ADAM19: variants seen among roughly 807,000 people sequenced by gnomAD.
ADAM19 encodes the protein ADAM metallopeptidase domain 19, also known as disintegrin and metalloproteinase domain-containing protein 19.
A neutral mutation model predicts 114.7 loss-of-function variants in ADAM19; 65 were observed. That is an observed-to-expected ratio of 0.57 (90% CI 0.46 to 0.70). The LOEUF is 0.70. Among genes scored for constraint, ADAM19 ranks in the 30% least tolerant of loss-of-function variants. ADAM19 has a pLI of 0.00. For synonymous variants in ADAM19, 466 were observed against 460.5 expected (o/e 1.01, Z -0.15); for missense variants, 1,063 against 1,204.7 (o/e 0.88, Z 1.74).
intron 3 of ADAM19, among the ~76,000 whole-genome samples, chr5:157,555,112 G>T (rs1282429909): frequency 6.6e-6 from 1 of 152,176 alleles, no homozygotes; most frequent in Non-Finnish European, 1.5e-5. Flanking sequence ...CTGGACTTGG[G>T]AGTCAAACAG....
Position 157,488,496 on chromosome 5 carries a change from G to A in ADAM19, c.2326-7C>T, listed in dbSNP as rs777241622. Reference sequence around the variant, plus strand: ...TTTCCGGAGTGTTGATCACCTGTACGCACAAGTCAAGGAACACCTGAGACA... The same window carrying A: ...TTTCCGGAGTGTTGATCACCTGTACACACAAGTCAAGGAACACCTGAGACA... On this transcript the variant is annotated splice_region_variant and splice_polypyrimidine_tract_variant and intron_variant, in intron 20 of 22. Transcript: ENST00000257527. The A allele has an allele frequency of 9.5e-6, 15 of 1,576,666 alleles. No homozygotes were observed. The highest frequency in any genetic ancestry group is 4.5e-5 in the East Asian group (2 of 44,444).
At chr5:157,492,340 C>T (rs1314878601) in intron 16 of ADAM19, among the ~76,000 whole-genome samples, 3 of 152,090 alleles carry the variant, frequency 2.0e-5, no homozygotes, top group East Asian at 1.9e-4. Context: ...CTTCAGGTTA[C>T]TATCAAAGTG....
At chr5:157,553,466 T>C (rs1057508192) in intron 3 of ADAM19, among the ~76,000 whole-genome samples, 1 of 152,256 alleles carries the variant, frequency 6.6e-6, no homozygotes, top group African/African-American at 2.4e-5. Context: ...AATATGCTCA[T>C]AATGTGAAAT....
At chr5:157,528,748 TA>T (rs1756543703) in intron 5 of ADAM19, among the ~76,000 whole-genome samples, 1 of 152,172 alleles carries the variant, frequency 6.6e-6, no homozygotes, top group South Asian at 2.1e-4. Flanking sequence ...TTCACCGACG[TA>T]AGAGGAGGAA....
Position 157,564,454 on chromosome 5 carries a change from C to A in ADAM19, c.181-11G>T. ...AGCTTTGAGTGGATGCTAAAAGCAACAACAAAACAATGTCAGTTCCTAAAA... is the reference window on the plus strand; with the variant it reads ...AGCTTTGAGTGGATGCTAAAAGCAAAAACAAAACAATGTCAGTTCCTAAAA... On this transcript the variant is annotated splice_polypyrimidine_tract_variant and intron_variant, in intron 2 of 22. Coordinates refer to ENST00000257527, the MANE Select transcript of ADAM19 (RefSeq NM_033274.5). 6.2e-7 allele frequency: 1 copy of A among 1,613,938 alleles called. No homozygotes were observed. Among genetic ancestry groups the A allele is most frequent in the Non-Finnish European group, 8.5e-7 (1 of 1,179,794 alleles).
chr5:157,479,207 T>G lies in ADAM19; in HGVS notation c.*1742A>C, dbSNP rs1028107542. 6 of 985,730 alleles carry G rather than the reference T, an allele frequency of 6.1e-6. No homozygotes were observed. The highest frequency in any genetic ancestry group is 7.2e-6 in the Non-Finnish European group (6 of 829,960). 61.1% of individuals were successfully genotyped at this position (985,730 alleles called of 1,614,324 possible). A position where few individuals can be genotyped will look rare whatever the true frequency, so the allele number is the denominator to read the frequency against. ...AGAGAAACTCATTTTCCTGAGATCT[T>G]TCTAAACCCAACCCAGGCTTTTCCC... On this transcript the variant is annotated 3_prime_UTR_variant, in exon 23 of 23. Transcript: ENST00000257527.
intron 5 of ADAM19, among the ~76,000 whole-genome samples, chr5:157,526,279 A>G (rs954618568): frequency 6.6e-6 from 1 of 152,134 alleles, no homozygotes; most frequent in African/African-American, 2.4e-5. Context: ...GGAGAATGGG[A>G]TTGGTTGGAA....
intron 1 of ADAM19, chr5:157,572,389 C>T: frequency 2.5e-6 from 1 of 403,740 alleles, no homozygotes; most frequent in East Asian, 7.3e-5. Flanking sequence ...ATGGTAATTT[C>T]CCGACACCTA....
Position 157,547,445 on chromosome 5 carries a change from A to C in ADAM19, c.252-9454T>G, listed in dbSNP as rs547203614. ...AATGAGTGGATTAATGCTGTTATAA[A>C]AGGGCTTGAGGCTGCAAGTTTGCTC... On this transcript the variant is annotated intron_variant, in intron 3 of 22. Transcript: ENST00000257527. Among the ~76,000 whole-genome samples the C allele has an allele frequency of 4.9e-4, 75 of 152,304 alleles. 1 individual carries two copies. The South Asian group carries it at 0.015, about 30-fold the overall frequency.
At chr5:157,562,846 G>A (rs1757546633) in intron 3 of ADAM19, among the ~76,000 whole-genome samples, 2 of 152,108 alleles carry the variant, frequency 1.3e-5, no homozygotes, top group South Asian at 4.2e-4. Context: ...TGAGTCCTGG[G>A]ACTCCTGCTT....
intron 2 of ADAM19, among the ~76,000 whole-genome samples, chr5:157,565,774 A>C (rs551980548): frequency 1.3e-5 from 2 of 151,674 alleles, no homozygotes; most frequent in African/African-American, 4.8e-5. Flanking sequence ...AAATGGAGGC[A>C]CAGGCAAAGG....
At chr5:157,503,375 G>C (rs949224519) in intron 11 of ADAM19, among the ~76,000 whole-genome samples, 1 of 152,012 alleles carries the variant, frequency 6.6e-6, no homozygotes, top group African/African-American at 2.4e-5. Flanking sequence ...GATAGCATTA[G>C]GAGATATACC....
At chr5:157,552,573 G>A (rs1757230078) in intron 3 of ADAM19, among the ~76,000 whole-genome samples, 1 of 151,592 alleles carries the variant, frequency 6.6e-6, no homozygotes, top group Non-Finnish European at 1.5e-5. Flanking sequence ...CAGCTACTCG[G>A]GAGGCTGAGA....
At chr5:157,564,981 T>G (rs1229924843) in intron 2 of ADAM19, among the ~76,000 whole-genome samples, 1 of 152,218 alleles carries the variant, frequency 6.6e-6, no homozygotes, top group Non-Finnish European at 1.5e-5. Flanking sequence ...TGTAAAATAC[T>G]AGGGGATCCT....
In ADAM19 at chr5:157,511,782, C is replaced by T. The variant is rs1168826329; in HGVS notation, c.738+1652G>A. Among the ~76,000 whole-genome samples the T allele has an allele frequency of 3.9e-5, 6 of 152,134 alleles. No homozygotes were observed. The East Asian group carries it at 7.7e-4, about 20-fold the overall frequency. On this transcript the variant is annotated intron_variant, in intron 8 of 22. Coordinates refer to ENST00000257527, the MANE Select transcript of ADAM19 (RefSeq NM_033274.5). Reference sequence around the variant, plus strand: ...GGTCAGCAAGCTCCAGAGAAGTGGGCGTGGCTTCCCTTACCCGCCAGGAGT... The same window carrying T: ...GGTCAGCAAGCTCCAGAGAAGTGGGTGTGGCTTCCCTTACCCGCCAGGAGT...
chr5:157,561,257 G>A lies in ADAM19; in HGVS notation c.251+3116C>T, dbSNP rs144554453. ...CAGTGTGTCTGCTGCCTGAGCTGAA[G>A]CTCACTTTGCTGTGTTCCCCCTCCT... On this transcript the variant is annotated intron_variant, in intron 3 of 22. Transcript: ENST00000257527. Among the ~76,000 whole-genome samples, 28 of 152,354 alleles carry A rather than the reference G, an allele frequency of 1.8e-4. No homozygotes were observed. In the East Asian group the frequency reaches 5.4e-3, roughly 29 times the overall value.
intron 5 of ADAM19, 90 bp downstream of exon 5, chr5:157,530,717 C>T (rs1355697513): frequency 4.3e-6 from 5 of 1,156,092 alleles, no homozygotes; most frequent in Non-Finnish European, 6.4e-6. Flanking sequence ...TGGACTCCTT[C>T]CCAAGGTCCT....
rs1561841082 is a variant in ADAM19, at chr5:157,488,357, CT to C, written c.2457del (p.Ser823LeufsTer3). The C allele has an allele frequency of 6.2e-7, 1 of 1,614,184 alleles. No individual in the cohort carries two copies. Among genetic ancestry groups the C allele is most frequent in the Non-Finnish European group, 8.5e-7 (1 of 1,180,030 alleles). The part of the protein sequence containing the change: ...AHLSRAARNS[P>X]GPGSQIERTE... The stretch of plus-strand genomic sequence containing the variant: ...GTCCTCTCTATTTGAGACCCGGGCC[CT>C]GGGGAGTTCCTAGCAGCCCTGCTCA... On this transcript the variant is annotated frameshift_variant, in exon 21 of 23. Transcript: ENST00000257527. LOFTEE classifies it high-confidence loss of function.
chr5:157,565,444 C>T (rs778321440), intron 2 of ADAM19, among the ~76,000 whole-genome samples: 5 of 152,170 alleles, frequency 3.3e-5, no homozygotes, highest in Non-Finnish European at 5.9e-5. Flanking sequence ...CTCGGCCGGG[C>T]ACAGTGGCTC....
Sources: allele counts gnomAD v4.1 joint callset (sites outside exome capture counted in the v4.1 genomes callset), GRCh38; gene constraint gnomAD v4.1.1; transcripts MANE v1.5; gene names NCBI Gene and HGNC (gene_info 2026-07-23, HGNC 2026-07-21).